Variants in LRP1B observed in about 807,000 individuals in gnomAD.
LRP1B encodes low-density lipoprotein receptor-related protein 1B.
Under a neutral mutation model 556.6 loss-of-function variants are expected in LRP1B, and 217 were observed. That is an observed-to-expected ratio of 0.39 (90% CI 0.35 to 0.44). LRP1B has a LOEUF of 0.44. LRP1B is among the 20% of genes least tolerant of loss of function. The probability of loss-of-function intolerance (pLI) is 1.00; values close to 1 mark genes in which losing one functional copy is unlikely to be tolerated. For missense variants in LRP1B, 5,053 were observed against 5,620.8 expected (o/e 0.90, Z 3.23); for synonymous variants, 2,047 against 1,865.8 (o/e 1.10, Z -2.50).
chr2:141,609,553 CACTT>C (rs1321471075), intron 2 of LRP1B, among the ~76,000 whole-genome samples: 3 of 152,146 alleles, frequency 2.0e-5, no homozygotes, highest in Admixed American at 6.5e-5. Flanking sequence ...TAATATAACT[CACTT>C]AATTGTATGC....
intron 37 of LRP1B, among the ~76,000 whole-genome samples, chr2:140,713,115 T>G (rs989941023): frequency 6.6e-6 from 1 of 152,104 alleles, no homozygotes. Context: ...GACTTTATAT[T>G]TATCCAACTA....
chr2:141,403,096 A>G (rs1458933853), intron 3 of LRP1B, among the ~76,000 whole-genome samples: 3 of 152,098 alleles, frequency 2.0e-5, no homozygotes, highest in African/African-American at 4.8e-5. Context: ...TGAGCCATGC[A>G]AGATTGAATA....
chr2:142,022,907 C>T (rs1427467376), intron 1 of LRP1B, among the ~76,000 whole-genome samples: 1 of 152,048 alleles, frequency 6.6e-6, no homozygotes. Flanking sequence ...AATGTCCTTT[C>T]CTCATGATCT....
intron 2 of LRP1B, among the ~76,000 whole-genome samples, chr2:141,619,776 A>G (rs1231241678): frequency 1.3e-5 from 2 of 151,054 alleles, no homozygotes; most frequent in Non-Finnish European, 3.0e-5. Flanking sequence ...TGAAATTGGC[A>G]GAACACAGAG....
Position 141,249,157 on chromosome 2 carries a change from G to C in LRP1B, c.464-1803C>G, listed in dbSNP as rs146421130. ...GAACTGTTAATATAGGGTGAGATCT[G>C]TTCTAGAGTATATGGAAGTCAATAG... On this transcript the variant is annotated intron_variant, in intron 4 of 90. Coordinates refer to ENST00000389484, the MANE Select transcript of LRP1B (RefSeq NM_018557.3). 2.4e-3 allele frequency among the ~76,000 whole-genome samples: 369 copies of C among 152,214 alleles called. 1 individual carries two copies. The highest frequency in any genetic ancestry group is 8.5e-3 in the African/African-American group (351 of 41,536).
intron 34 of LRP1B, 67 bp downstream of exon 34, chr2:140,770,814 A>G (rs2104938428): frequency 7.3e-7 from 1 of 1,375,456 alleles, no homozygotes; most frequent in Non-Finnish European, 9.6e-7. Context: ...GTTGCCTAAC[A>G]TCTGCATGGT....
intron 45 of LRP1B, among the ~76,000 whole-genome samples, chr2:140,537,123 A>G (rs1287783435): frequency 6.7e-6 from 1 of 150,206 alleles, no homozygotes; most frequent in East Asian, 1.9e-4. Context: ...GTGAGTGGAG[A>G]TCTTGCCACT....
At chr2:140,362,537 A>C (rs1182411994) in intron 72 of LRP1B, among the ~76,000 whole-genome samples, 1 of 151,666 alleles carries the variant, frequency 6.6e-6, no homozygotes, top group African/African-American at 2.4e-5. Flanking sequence ...AATCTGGTAA[A>C]TCCAGGAGTG....
rs537773164 is a variant in LRP1B at position 142,094,129 on chromosome 2, T to A, written c.82+36519A>T. ...TTTATAAGGGCACTAATCTCATTCA[T>A]GACAGCTCCACTGCCGTGACTTAAT... is the stretch of plus-strand genomic sequence containing the variant. On this transcript the variant is annotated intron_variant, in intron 1 of 90. Transcript: ENST00000389484. Among the ~76,000 whole-genome samples, 7 of 152,206 alleles carry A rather than the reference T, an allele frequency of 4.6e-5. No homozygotes were observed. In the East Asian group the frequency reaches 1.4e-3, roughly 29 times the overall value.
intron 7 of LRP1B, among the ~76,000 whole-genome samples, chr2:141,153,269 AAT>A (rs567294259): frequency 2.4e-4 from 31 of 128,968 alleles, no homozygotes; most frequent in African/African-American, 6.0e-4. Context: ...TATTTATAAT[AAT>A]ATATATAAGC....
chr2:140,288,673 A>T (rs1207748666), intron 84 of LRP1B, among the ~76,000 whole-genome samples: 2 of 151,886 alleles, frequency 1.3e-5, no homozygotes, highest in Non-Finnish European at 2.9e-5. Flanking sequence ...CAGTTTACTT[A>T]ACACCAAGTA....
intron 2 of LRP1B, among the ~76,000 whole-genome samples, chr2:141,687,230 G>A (rs867444881): frequency 6.6e-6 from 1 of 151,892 alleles, no homozygotes; most frequent in Non-Finnish European, 1.5e-5. Flanking sequence ...CATAATCAGA[G>A]ATGCCACAGT....
intron 3 of LRP1B, among the ~76,000 whole-genome samples, chr2:141,473,859 A>G (rs1335376734): frequency 6.6e-6 from 1 of 152,216 alleles, no homozygotes; most frequent in African/African-American, 2.4e-5. Flanking sequence ...GGAATTCTGC[A>G]TGCTGAAATT....
intron 2 of LRP1B, among the ~76,000 whole-genome samples, chr2:141,499,865 T>C (rs74810497): frequency 0.013 from 1,924 of 152,176 alleles, 46 homozygotes; most frequent in African/African-American, 0.044. Context: ...TTGAATTTGT[T>C]TATTACCAAG....
intron 60 of LRP1B, among the ~76,000 whole-genome samples, chr2:140,473,836 A>T (rs1248507424): frequency 3.3e-5 from 5 of 151,928 alleles, no homozygotes; most frequent in Non-Finnish European, 7.4e-5. Flanking sequence ...TCACAATAAA[A>T]CTTTCAACTA....
chr2:141,356,726 T>G (rs1688640552), intron 3 of LRP1B, among the ~76,000 whole-genome samples: 1 of 152,180 alleles, frequency 6.6e-6, no homozygotes, highest in African/African-American at 2.4e-5. Context: ...AAATATGTTT[T>G]ATATAACTGT....
intron 41 of LRP1B, among the ~76,000 whole-genome samples, chr2:140,677,533 T>A (rs2105371043): frequency 6.6e-6 from 1 of 152,126 alleles, no homozygotes; most frequent in South Asian, 2.1e-4. Context: ...CGTTTCTCAA[T>A]GACTGAAAAA....
rs528341954 is a variant in LRP1B at position 141,298,496 on chromosome 2, C to T, written c.344-43855G>A. The stretch of plus-strand genomic sequence containing the variant: ...CACTAAAGCTCATCATAAGCTCAGG[C>T]GAGCTTCCTTGATTGGCAATACTCT... On this transcript the variant is annotated intron_variant, in intron 3 of 90. Transcript: ENST00000389484. 1.0e-3 allele frequency among the ~76,000 whole-genome samples: 158 copies of T among 152,216 alleles called. 2 individuals carry two copies. Among genetic ancestry groups the T allele is most frequent in the South Asian group, 8.7e-3 (42 of 4,816 alleles).
rs867479053 is a variant in LRP1B, at chr2:140,335,656, C to T, written c.12075G>A (p.Met4025Ile). The T allele has an allele frequency of 6.2e-7, 1 of 1,612,506 alleles. No homozygotes were observed. The highest frequency in any genetic ancestry group is 1.3e-5 in the African/African-American group (1 of 74,908). ...GPNCTRLLTN[M>I]AGEPYAIAVN... ...CTGCAATAGCATAGGGTTCTCCAGC[C>T]ATATTTGTTAAGAGTCTGGTGCAGT... The change falls in exon 78 of 91, where the codon ATG becomes ATA. Residue 4025 changes from methionine to isoleucine, a missense_variant. Transcript: ENST00000389484.
Sources: gnomAD v4.1 joint callset for allele counts (sites outside exome capture counted in the v4.1 genomes callset) on GRCh38, gnomAD v4.1.1 for gene constraint, MANE v1.5 for transcripts, NCBI Gene and HGNC (gene_info 2026-07-23, HGNC 2026-07-21) for gene names.